Variants in MEAK7 observed in about 807,000 individuals in gnomAD.
The protein encoded by MEAK7 is MTOR associated protein MEAK7.
Under a neutral mutation model 40.5 loss-of-function variants are expected in MEAK7, and 68 were observed. The observed-to-expected ratio is 1.68, with a 90% confidence interval of 1.38 to 2.06. The LOEUF is 2.06. Among genes scored for constraint, MEAK7 ranks in the 30% most tolerant of loss-of-function variants. The probability of loss-of-function intolerance (pLI) is 0.00; values close to 1 mark genes in which losing one functional copy is unlikely to be tolerated. For missense variants in MEAK7, 918 were observed against 580.5 expected (o/e 1.58, Z -5.98); for synonymous variants, 338 against 231.9 (o/e 1.46, Z -4.16).
Position 84,495,721 on chromosome 16 carries a change from C to T in MEAK7, c.346G>A (p.Ala116Thr), listed in dbSNP as rs1406433900. The stretch of plus-strand genomic sequence containing the variant: ...CTGGCCTTCACGGGACCTTCTGTGG[C>T]AGAAATCATTTTCATAATCATGAGA... Reference protein sequence around the residue: ...KSLMIMKMISATEGPVKAREV... With the variant: ...KSLMIMKMISTTEGPVKAREV... Residue 116 changes from alanine to threonine, a missense_variant, in exon 3 of 8, where the codon GCC becomes ACC. Physicochemically the swap from Ala to Thr is moderately conservative, Grantham distance 58 (BLOSUM62 0). Transcript: ENST00000343629. The T allele has an allele frequency of 6.2e-7, 1 of 1,614,104 alleles. No individual in the cohort carries two copies. The highest frequency in any genetic ancestry group is 8.5e-7 in the Non-Finnish European group (1 of 1,180,022).
chr16:84,500,571 G>T (rs772406106), intron 1 of MEAK7, among the ~76,000 whole-genome samples: 6 of 152,164 alleles, frequency 3.9e-5, no homozygotes, highest in Non-Finnish European at 5.9e-5. Flanking sequence ...AAGGGGATGG[G>T]GGTGCACTTT....
Position 84,486,655 on chromosome 16 carries a change from A to T in MEAK7, c.934T>A (p.Trp312Arg). The change falls in exon 5 of 8, where the codon TGG (tryptophan) becomes AGG (arginine). Residue 312 changes from tryptophan to arginine, a missense_variant. Coordinates refer to ENST00000343629, the MANE Select transcript of MEAK7 (RefSeq NM_020947.4). ...HVFGGFASCS[W>R]EVKPQFQGDN... ...CCTTGAAACTGAGGCTTCACCTCCCAAGAGCAAGAGGCAAACCCACCGAAC... is the reference window on the plus strand; with the variant it reads ...CCTTGAAACTGAGGCTTCACCTCCCTAGAGCAAGAGGCAAACCCACCGAAC... 6.2e-7 allele frequency: 1 copy of T among 1,610,998 alleles called. No homozygotes were observed. Among genetic ancestry groups the T allele is most frequent in the East Asian group, 2.2e-5 (1 of 44,842 alleles).
In MEAK7 at chr16:84,478,610, G is replaced by C. The variant is rs116592522; in HGVS notation, c.*1303C>G. 3.3e-5 allele frequency: 5 copies of C among 152,182 alleles called. No individual in the cohort carries two copies. Among genetic ancestry groups the C allele is most frequent in the African/African-American group, 1.2e-4 (5 of 41,436 alleles). The allele number at this position is 152,182 out of a possible 1,614,324, so 9.4% of individuals were successfully genotyped here. On this transcript the variant is annotated 3_prime_UTR_variant, in exon 8 of 8. Transcript: ENST00000343629. ...AAGTGGGGAGATCTCATGGCCAACCGGTGACTCACCGTGTGTTGTTTTCCA... is the reference window on the plus strand; with the variant it reads ...AAGTGGGGAGATCTCATGGCCAACCCGTGACTCACCGTGTGTTGTTTTCCA...
chr16:84,484,792 G>C lies in MEAK7; in HGVS notation c.958+1839C>G, dbSNP rs200242413. Reference sequence around the variant, plus strand: ...AACTTGACCCACAGTCCACGGATTTGTACCATGCGTGGTGTGAGGCTGCCC... The same window carrying C: ...AACTTGACCCACAGTCCACGGATTTCTACCATGCGTGGTGTGAGGCTGCCC... On this transcript the variant is annotated intron_variant, in intron 5 of 7. Transcript: ENST00000343629. 2.6e-5 allele frequency among the ~76,000 whole-genome samples: 4 copies of C among 152,202 alleles called. No homozygotes were observed. In the East Asian group the frequency reaches 5.8e-4, roughly 22 times the overall value.
At chr16:84,481,704 C>T (rs1344017302) in intron 6 of MEAK7, among the ~76,000 whole-genome samples, 1 of 152,136 alleles carries the variant, frequency 6.6e-6, no homozygotes, top group African/African-American at 2.4e-5. Flanking sequence ...GAGGCCAAGG[C>T]GGGTGGATCA....
chr16:84,495,644 C>A, intron 3 of MEAK7, 39 bp downstream of exon 3: 1 of 1,602,184 alleles, frequency 6.2e-7, no homozygotes, highest in South Asian at 1.1e-5. Flanking sequence ...GTCACCAAGA[C>A]TGCTGAGGAG....
chr16:84,476,995 G>A lies in MEAK7; in HGVS notation c.*2918C>T, dbSNP rs1045460059. 6 of 151,818 alleles carry A rather than the reference G, an allele frequency of 4.0e-5. No homozygotes were observed. The highest frequency in any genetic ancestry group is 3.9e-4 in the Admixed American group (6 of 15,244). 9.4% of individuals were successfully genotyped at this position (151,818 alleles called of 1,614,324 possible). ...CAGCCTCAACCTTCCAGGCCTAAAT[G>A]ATCCTCACACCTCAGCCTCCCAAGT... On this transcript the variant is annotated 3_prime_UTR_variant, in exon 8 of 8. Transcript: ENST00000343629.
At chr16:84,490,124 T>G (rs1913440886) in intron 3 of MEAK7, among the ~76,000 whole-genome samples, 1 of 152,214 alleles carries the variant, frequency 6.6e-6, no homozygotes, top group East Asian at 1.9e-4. Flanking sequence ...GTGTTTGTTT[T>G]GCTGAACTGT....
chr16:84,489,776 A>C (rs1033832915), intron 3 of MEAK7, among the ~76,000 whole-genome samples: 1 of 151,940 alleles, frequency 6.6e-6, no homozygotes. Flanking sequence ...GATCTCCCCA[A>C]ATTTGGTTGA....
intron 5 of MEAK7, among the ~76,000 whole-genome samples, chr16:84,484,416 A>G (rs1039881466): frequency 6.6e-6 from 1 of 152,242 alleles, no homozygotes; most frequent in Non-Finnish European, 1.5e-5. Context: ...TGAGGAGCTG[A>G]GGCCCAGAAA....
Position 84,482,791 on chromosome 16 carries a change from G to A in MEAK7, c.959-81C>T, listed in dbSNP as rs1350689065. The A allele has an allele frequency of 5.7e-6, 9 of 1,572,942 alleles. No individual in the cohort carries two copies. The African/African-American group carries it at 6.7e-5, about 12-fold the overall frequency. On this transcript the variant is annotated intron_variant, in intron 5 of 7. Coordinates refer to ENST00000343629, the MANE Select transcript of MEAK7 (RefSeq NM_020947.4). ...GGGCCGGAAATGCCGGTAAGCTGCA[G>A]CTCAGGAAGCAACAGGGCCAAGACC...
chr16:84,477,930 C>G lies in MEAK7; in HGVS notation c.*1983G>C, dbSNP rs577904907. ...AGCAGGTGCATTCGTGATCTGCACT[C>G]TCCTTAGAACAAGCTCAGGGTGGAA... On this transcript the variant is annotated 3_prime_UTR_variant, in exon 8 of 8. Coordinates refer to ENST00000343629, the MANE Select transcript of MEAK7 (RefSeq NM_020947.4). The G allele has an allele frequency of 5.3e-5, 8 of 152,308 alleles. No homozygotes were observed. Among genetic ancestry groups the G allele is most frequent in the African/African-American group, 1.7e-4 (7 of 41,560 alleles). 9.4% of individuals were successfully genotyped at this position (152,308 alleles called of 1,614,324 possible). A position where few individuals can be genotyped will look rare whatever the true frequency, so the allele number is the denominator to read the frequency against.
Position 84,489,244 on chromosome 16 carries a change from A to T in MEAK7, c.529+34T>A, listed in dbSNP as rs532093481. On this transcript the variant is annotated intron_variant, in intron 4 of 7. Transcript: ENST00000343629. ...AGACAGCAGGTACCGCTCTACAGCA[A>T]AAGACCTGCATCACCGCGTCCACGC... 3.7e-6 allele frequency: 6 copies of T among 1,608,554 alleles called. No homozygotes were observed. The African/African-American group carries it at 6.7e-5, about 18-fold the overall frequency.
At chr16:84,497,286 G>T in intron 2 of MEAK7, 1 of 633,632 alleles carries the variant, frequency 1.6e-6, no homozygotes. Context: ...CAAACCTGCA[G>T]CTGAGAGCCC....
rs1177739008 is a variant in MEAK7, at chr16:84,479,726, G to C, written c.*187C>G. ...AAAACTTAAAAAACATCTATTTCTG[G>C]GAGATCCACCCATGAGTCAGGACAT... On this transcript the variant is annotated 3_prime_UTR_variant, in exon 8 of 8. Coordinates refer to ENST00000343629, the MANE Select transcript of MEAK7 (RefSeq NM_020947.4). 5 of 418,684 alleles carry C rather than the reference G, an allele frequency of 1.2e-5. No homozygotes were observed. Among genetic ancestry groups the C allele is most frequent in the Admixed American group, 4.3e-5 (1 of 23,256 alleles). 25.9% of individuals were successfully genotyped at this position (418,684 alleles called of 1,614,324 possible).
At position 84,476,811 on chromosome 16, in the gene MEAK7, T is replaced by C. The variant is rs1220237346; in HGVS notation, c.*3102A>G. Reference sequence around the variant, plus strand: ...ATTTTTGCATCAGTGCCTTTGCCTGTCAGGAGGGAAAATAGCTGGAGAAGA... The same window carrying C: ...ATTTTTGCATCAGTGCCTTTGCCTGCCAGGAGGGAAAATAGCTGGAGAAGA... On this transcript the variant is annotated 3_prime_UTR_variant, in exon 8 of 8. Coordinates refer to ENST00000343629, the MANE Select transcript of MEAK7 (RefSeq NM_020947.4). 1 of 152,222 alleles carries C rather than the reference T, an allele frequency of 6.6e-6. No homozygotes were observed. Among genetic ancestry groups the C allele is most frequent in the African/African-American group, 2.4e-5 (1 of 41,446 alleles). The allele number at this position is 152,222 out of a possible 1,614,324, so 9.4% of individuals were successfully genotyped here.
chr16:84,497,532 G>A lies in MEAK7; in HGVS notation c.153+402C>T, dbSNP rs987667429. 10 of 1,291,174 alleles carry A rather than the reference G, an allele frequency of 7.7e-6. No homozygotes were observed. The Admixed American group carries it at 1.4e-4, about 18-fold the overall frequency. The allele number at this position is 1,291,174 out of a possible 1,614,324, so 80.0% of individuals were successfully genotyped here. A position where few individuals can be genotyped will look rare whatever the true frequency, so the allele number is the denominator to read the frequency against. On this transcript the variant is annotated intron_variant, in intron 2 of 7. Transcript: ENST00000343629. ...CCATCTCTGGGAGGGCAGTCAGGAG[G>A]GACGTGGTTCAAGAGACACACGAGG...
chr16:84,493,728 T>G (rs1913817022), intron 3 of MEAK7, among the ~76,000 whole-genome samples: 1 of 152,268 alleles, frequency 6.6e-6, no homozygotes, highest in South Asian at 2.1e-4. Flanking sequence ...GAATCTGTTT[T>G]CTTTTATAAC....
Position 84,477,496 on chromosome 16 carries a change from CTTTTT to C in MEAK7, c.*2412_*2416del. The stretch of plus-strand genomic sequence containing the variant: ...GTGAGCCACCGCACCCGGCCCCAGA[CTTTTT>C]TTTAATTAAAAAATATGGTGGGAGA... On this transcript the variant is annotated 3_prime_UTR_variant, in exon 8 of 8. Transcript: ENST00000343629. The C allele has an allele frequency of 6.6e-6, 1 of 150,710 alleles. No homozygotes were observed. Among genetic ancestry groups the C allele is most frequent in the African/African-American group, 2.5e-5 (1 of 40,558 alleles). 9.3% of individuals were successfully genotyped at this position (150,710 alleles called of 1,614,324 possible).
Sources: gnomAD v4.1 joint callset for allele counts (sites outside exome capture counted in the v4.1 genomes callset) on GRCh38, gnomAD v4.1.1 for gene constraint, MANE v1.5 for transcripts, NCBI Gene and HGNC (gene_info 2026-07-23, HGNC 2026-07-21) for gene names.